Variants in SCRG1 observed in about 807,000 individuals in gnomAD.
SCRG1 encodes scrapie-responsive protein 1.
SCRG1 carries 3 observed loss-of-function variants against 7.7 expected under a neutral mutation model. The ratio of observed to expected loss-of-function variants is 0.39; its 90% confidence interval spans 0.18 to 1.01. SCRG1 has a LOEUF of 1.01. Among genes scored for constraint, SCRG1 ranks in the 50% least tolerant of loss-of-function variants. The probability of loss-of-function intolerance (pLI) is 0.36; values close to 1 mark genes in which losing one functional copy is unlikely to be tolerated. For missense variants in SCRG1, 110 were observed against 117.2 expected (o/e 0.94, Z 0.28); for synonymous variants, 46 against 41.2 (o/e 1.12, Z -0.44).
At chr4:173,432,420 T>G in the SCRG1 span, among the ~76,000 whole-genome samples, 1 of 146,672 alleles carries the variant, frequency 6.8e-6, no homozygotes, top group Non-Finnish European at 1.5e-5. Context: ...CTCCCTCTCC[T>G]CCCTTCCTTC....
the SCRG1 span, among the ~76,000 whole-genome samples, chr4:173,482,879 T>A: frequency 4.2e-5 from 6 of 141,262 alleles, no homozygotes; most frequent in East Asian, 4.0e-4. Context: ...ATATTTTTTA[T>A]ATGTTATATA....
At chr4:173,406,723 A>T (rs969265021), upstream of SCRG1, among the ~76,000 whole-genome samples, 12 of 152,214 alleles carry the variant, frequency 7.9e-5, no homozygotes, top group African/African-American at 2.9e-4. Flanking sequence ...AATTGGAATC[A>T]TGTAGTATGT....
the SCRG1 span, among the ~76,000 whole-genome samples, chr4:173,473,320 C>T: frequency 6.6e-6 from 1 of 152,222 alleles, no homozygotes; most frequent in African/African-American, 2.4e-5. Context: ...GGCCTGACCA[C>T]ACATCGTATT....
chr4:173,494,747 G>T, the SCRG1 span, among the ~76,000 whole-genome samples: 2 of 152,230 alleles, frequency 1.3e-5, no homozygotes, highest in African/African-American at 4.8e-5. Context: ...TTACCCTTCT[G>T]GGAATCAAGA....
the SCRG1 span, among the ~76,000 whole-genome samples, chr4:173,426,198 C>A: frequency 1.3e-5 from 2 of 152,218 alleles, no homozygotes; most frequent in African/African-American, 2.4e-5. Flanking sequence ...GTTTACCTTG[C>A]AGCCCTGTTT....
chr4:173,512,785 A>G, the SCRG1 span, among the ~76,000 whole-genome samples: 85 of 152,198 alleles, frequency 5.6e-4, no homozygotes, highest in African/African-American at 2.0e-3. Context: ...CACAGTCTCT[A>G]TTAGACTTGG....
At chr4:173,436,771 A>G in the SCRG1 span, among the ~76,000 whole-genome samples, 1 of 152,132 alleles carries the variant, frequency 6.6e-6, no homozygotes, top group Non-Finnish European at 1.5e-5. Context: ...GGAGTAAGAC[A>G]CCTTCATGCC....
upstream of SCRG1, among the ~76,000 whole-genome samples, chr4:173,408,655 G>A (rs186445640): frequency 2.9e-4 from 44 of 152,256 alleles, no homozygotes; most frequent in South Asian, 1.0e-3. Context: ...CAAGTTCAAT[G>A]TCTTTCCCCT....
the SCRG1 span, among the ~76,000 whole-genome samples, chr4:173,432,423 C>A: frequency 1.3e-5 from 2 of 148,226 alleles, no homozygotes; most frequent in Non-Finnish European, 3.0e-5. Flanking sequence ...CCTCTCCTCC[C>A]TTCCTTCTCC....
the SCRG1 span, among the ~76,000 whole-genome samples, chr4:173,510,834 C>A: frequency 1.3e-5 from 2 of 152,208 alleles, no homozygotes; most frequent in Non-Finnish European, 2.9e-5. This position sits in a 1 kb window ranked among gnomAD's most constrained non-coding sequence, Gnocchi z 5.7. Flanking sequence ...GATCCACAAG[C>A]GCTTTTGATG....
At chr4:173,389,827 G>C (rs1264382620) in intron 2 of SCRG1, 1 of 419,028 alleles carries the variant, frequency 2.4e-6, no homozygotes, top group Non-Finnish European at 4.9e-6. Flanking sequence ...CCTTTCCTTG[G>C]TAAGATGGTT....
chr4:173,483,936 A>ATATGTT, the SCRG1 span, among the ~76,000 whole-genome samples: 4 of 72,130 alleles, frequency 5.5e-5, no homozygotes, highest in African/African-American at 1.1e-4. Flanking sequence ...TTTCATATAT[A>ATATGTT]ATATAAATCA....
the SCRG1 span, among the ~76,000 whole-genome samples, chr4:173,484,740 A>G: frequency 2.2e-5 from 2 of 89,724 alleles, no homozygotes; most frequent in Non-Finnish European, 3.8e-5. Flanking sequence ...TATAATACAT[A>G]TTATATATTA....
the SCRG1 span, among the ~76,000 whole-genome samples, chr4:173,490,292 T>C: frequency 6.6e-6 from 1 of 152,246 alleles, no homozygotes; most frequent in East Asian, 1.9e-4. Flanking sequence ...ACCTATTCTT[T>C]TAAAAGCAAC....
intron 1 of SCRG1, chr4:173,398,490 A>G (rs1212322033): frequency 6.6e-6 from 1 of 152,248 alleles, no homozygotes; most frequent in Non-Finnish European, 1.5e-5. Context: ...CTCAGAGGGA[A>G]AAAGTGTTCT....
chr4:173,420,197 G>C, the SCRG1 span: 34 of 372,812 alleles, frequency 9.1e-5, no homozygotes, highest in East Asian at 1.6e-3. Flanking sequence ...CGGCCCTAGT[G>C]GGGGAAAAGG....
At chr4:173,418,352 T>TA in the SCRG1 span, among the ~76,000 whole-genome samples, 2 of 152,306 alleles carry the variant, frequency 1.3e-5, no homozygotes, top group Non-Finnish European at 2.9e-5. Flanking sequence ...CAGCACACCT[T>TA]AGAGAGTTGC....
chr4:173,414,338 GT>G, the SCRG1 span, among the ~76,000 whole-genome samples: 1 of 152,214 alleles, frequency 6.6e-6, no homozygotes, highest in Admixed American at 6.5e-5. Flanking sequence ...TCCAAGTAAT[GT>G]TTTCTGTAAT....
At chr4:173,499,422 GTAGTAGTAA>G in the SCRG1 span, among the ~76,000 whole-genome samples, 2 of 152,222 alleles carry the variant, frequency 1.3e-5, no homozygotes, top group African/African-American at 4.8e-5. The surrounding 1 kb of genome is among the most constrained non-coding windows in gnomAD (Gnocchi z 4.1). Flanking sequence ...TTAGATAACA[GTAGTAGTAA>G]TAGTAGTAAT....
Sources: allele counts gnomAD v4.1 joint callset (sites outside exome capture counted in the v4.1 genomes callset), GRCh38; gene constraint gnomAD v4.1.1; non-coding constraint Gnocchi (gnomAD v3.1); transcripts MANE v1.5; gene names NCBI Gene and HGNC (gene_info 2026-07-23, HGNC 2026-07-21).